ZBTB44: variants seen among roughly 807,000 people sequenced by gnomAD.
ZBTB44 encodes the protein zinc finger and BTB domain-containing protein 44.
ZBTB44 carries 15 observed loss-of-function variants against 54.0 expected under a neutral mutation model. The observed-to-expected ratio is 0.28, with a 90% CI of 0.19 to 0.43. The LOEUF (loss-of-function observed/expected upper bound fraction) is 0.43. ZBTB44 is among the 20% of genes least tolerant of loss of function. ZBTB44 has a pLI of 1.00. For missense variants in ZBTB44, 487 were observed against 707.1 expected (o/e 0.69, Z 3.53); for synonymous variants, 230 against 250.1 (o/e 0.92, Z 0.76).
chr11:130,240,565 G>T (rs944020766), intron 2 of ZBTB44, among the ~76,000 whole-genome samples: 11 of 152,118 alleles, frequency 7.2e-5, no homozygotes, highest in African/African-American at 2.7e-4. Context: ...CATACAACTT[G>T]TTGCACAACT....
intron 1 of ZBTB44, among the ~76,000 whole-genome samples, chr11:130,276,391 C>A (rs866226182): frequency 4.0e-5 from 6 of 151,358 alleles, no homozygotes; most frequent in African/African-American, 9.7e-5. Context: ...TGGTTTATAG[C>A]GTCTATTTAC....
chr11:130,301,919 T>C (rs894141964), intron 1 of ZBTB44, among the ~76,000 whole-genome samples: 2 of 151,646 alleles, frequency 1.3e-5, no homozygotes, highest in Admixed American at 6.6e-5. Context: ...GGAGTGCACC[T>C]GTAGTCCCAG....
At chr11:130,302,247 T>C (rs769226185) in intron 1 of ZBTB44, among the ~76,000 whole-genome samples, 11 of 152,082 alleles carry the variant, frequency 7.2e-5, no homozygotes, top group Admixed American at 1.3e-4. Context: ...GTTAAGGAAC[T>C]AGCCACACAA....
chr11:130,277,908 T>C (rs764657880), intron 1 of ZBTB44, among the ~76,000 whole-genome samples: 2 of 152,182 alleles, frequency 1.3e-5, no homozygotes, highest in Non-Finnish European at 2.9e-5. Flanking sequence ...TCTTCCCTCG[T>C]CCTTTGCACA....
chr11:130,291,083 A>G (rs1368763000), intron 1 of ZBTB44, among the ~76,000 whole-genome samples: 3 of 151,880 alleles, frequency 2.0e-5, no homozygotes, highest in Non-Finnish European at 4.4e-5. Context: ...CCACAGGTCA[A>G]ATTCTACTTT....
rs374038218 is a variant in ZBTB44 at position 130,238,694 on chromosome 11, G to A, written c.1104-87C>T. On this transcript the variant is annotated intron_variant, in intron 3 of 7. Transcript: ENST00000357899. ...TATAGGTCAATTTTAAATGAAAAAA[G>A]ATAAAACACTTAAAGACTTTTTGAA... The A allele has an allele frequency of 3.1e-6, 4 of 1,284,102 alleles. No homozygotes were observed. The African/African-American group carries it at 4.6e-5, about 15-fold the overall frequency. The allele number at this position is 1,284,102 out of a possible 1,614,324, so 79.5% of individuals were successfully genotyped here. A position where few individuals can be genotyped will look rare whatever the true frequency, so the allele number is the denominator to read the frequency against.
rs1008610322 is a variant in ZBTB44 at position 130,238,719 on chromosome 11, A to G, written c.1104-112T>C. On this transcript the variant is annotated intron_variant, in intron 3 of 7. Transcript: ENST00000357899. ...GATAAAACACTTAAAGACTTTTTGA[A>G]ACAGTTTAACTGTTAGACTTCAAGT... 5 of 1,128,788 alleles carry G rather than the reference A, an allele frequency of 4.4e-6. No individual in the cohort carries two copies. The Admixed American group carries it at 1.4e-4, about 30-fold the overall frequency. 69.9% of individuals were successfully genotyped at this position (1,128,788 alleles called of 1,614,324 possible). A position where few individuals can be genotyped will look rare whatever the true frequency, so the allele number is the denominator to read the frequency against.
Position 130,261,049 on chromosome 11 carries a change from T to G in ZBTB44, c.825A>C (p.Thr275=). 1.2e-6 allele frequency: 2 copies of G among 1,614,032 alleles called. No homozygotes were observed. Among genetic ancestry groups the G allele is most frequent in the Non-Finnish European group, 1.7e-6 (2 of 1,179,886 alleles). Residue 275 remains threonine (T), a synonymous_variant, in exon 2 of 8, where the codon ACA becomes ACC. Coordinates refer to ENST00000357899, the MANE Select transcript of ZBTB44 (RefSeq NM_001301098.2). This position sits in a 1 kb window ranked among gnomAD's most constrained non-coding sequence, Gnocchi z 4.8. Reference sequence around the variant, plus strand: ...CGGTACCTAAAGGCAAGGTAGTTTTTGTGCTCTCACAAGTCACATAATCAG... The same window carrying G: ...CGGTACCTAAAGGCAAGGTAGTTTTGGTGCTCTCACAAGTCACATAATCAG... ...RMADYVTCES[T]KTTLPLGTEE...
Position 130,227,353 on chromosome 11 carries a change from G to C in ZBTB44, c.*4411C>G, listed in dbSNP as rs531292792. 3 of 152,146 alleles carry C rather than the reference G, an allele frequency of 2.0e-5. No individual in the cohort carries two copies. Among genetic ancestry groups the C allele is most frequent in the Non-Finnish European group, 4.4e-5 (3 of 68,044 alleles). The allele number at this position is 152,146 out of a possible 1,614,324, so 9.4% of individuals were successfully genotyped here. On this transcript the variant is annotated 3_prime_UTR_variant, in exon 8 of 8. Coordinates refer to ENST00000357899, the MANE Select transcript of ZBTB44 (RefSeq NM_001301098.2). ...ACTGGATACAAAGCTGGTGAACTGG[G>C]GACTGGCACAGTTAAGAGTTGTACT...
chr11:130,238,908 ATAGC>A (rs1954232519), intron 3 of ZBTB44: 2 of 193,414 alleles, frequency 1.0e-5, no homozygotes, highest in Non-Finnish European at 2.1e-5. Flanking sequence ...TTAAGAATCT[ATAGC>A]TTAAAACAGT....
At chr11:130,314,284 G>T in intron 1 of ZBTB44, 91 bp downstream of exon 1, 1 of 152,582 alleles carries the variant, frequency 6.6e-6, no homozygotes, top group Non-Finnish European at 1.5e-5. Flanking sequence ...GCTCCCTTCG[G>T]CGCCAGGTGG....
intron 2 of ZBTB44, among the ~76,000 whole-genome samples, chr11:130,249,895 T>C (rs1398001862): frequency 1.3e-5 from 2 of 152,164 alleles, no homozygotes; most frequent in Non-Finnish European, 2.9e-5. Context: ...GGAACCACAG[T>C]GAGACAGAAC....
chr11:130,262,502 G>C (rs1433612176), intron 1 of ZBTB44, among the ~76,000 whole-genome samples: 1 of 152,142 alleles, frequency 6.6e-6, no homozygotes, highest in African/African-American at 2.4e-5. Flanking sequence ...CAATTATAGA[G>C]TGTCTTCTAT....
rs113920286 is a variant in ZBTB44 at position 130,294,338 on chromosome 11, G to A, written c.-57+20037C>T. On this transcript the variant is annotated intron_variant, in intron 1 of 7. Transcript: ENST00000357899. ...GAGGCACAAGAATTGCTTGAACCTG[G>A]GGGGCAGAAGTTGCAGTGAGCTGAG... 3.3e-5 allele frequency among the ~76,000 whole-genome samples: 5 copies of A among 151,808 alleles called. No individual in the cohort carries two copies. In the East Asian group the frequency reaches 9.6e-4, roughly 29 times the overall value.
At position 130,261,231 on chromosome 11, in the gene ZBTB44, A is replaced by G. The variant is rs776720637; in HGVS notation, c.643T>C (p.Ser215Pro). 6.2e-7 allele frequency: 1 copy of G among 1,613,946 alleles called. No individual in the cohort carries two copies. The highest frequency in any genetic ancestry group is 2.2e-5 in the East Asian group (1 of 44,878). Reference protein sequence around the residue: ...PQVLNSSASYSENRNQPVDSS... With the variant: ...PQVLNSSASYPENRNQPVDSS... ...TCAACTGGTTGGTTTCTATTTTCTG[A>G]GTAGGAAGCTGAAGAATTCAATACC... Residue 215 changes from serine (S) to proline (P), a missense_variant, in exon 2 of 8, where the codon TCA becomes CCA. Physicochemically the swap from Ser to Pro is moderately conservative, Grantham distance 74. Coordinates refer to ENST00000357899, the MANE Select transcript of ZBTB44 (RefSeq NM_001301098.2). The surrounding 1 kb of genome is among the most constrained non-coding windows in gnomAD (Gnocchi z 4.8).
chr11:130,294,943 T>A (rs1941551438), intron 1 of ZBTB44, among the ~76,000 whole-genome samples: 1 of 152,160 alleles, frequency 6.6e-6, no homozygotes. Context: ...TTTTTAAGCG[T>A]CCACACCAAG....
chr11:130,299,076 C>T (rs1433910556), intron 1 of ZBTB44, among the ~76,000 whole-genome samples: 2 of 150,718 alleles, frequency 1.3e-5, no homozygotes, highest in Non-Finnish European at 3.0e-5. Context: ...GAGTGAGACC[C>T]TGTCTCAAAA....
At chr11:130,303,358 G>A (rs1309849706) in intron 1 of ZBTB44, among the ~76,000 whole-genome samples, 4 of 152,166 alleles carry the variant, frequency 2.6e-5, no homozygotes, top group Admixed American at 6.5e-5. Flanking sequence ...TACCAAGGCC[G>A]GGCACAGTGG....
chr11:130,235,270 G>A (rs974552695), intron 5 of ZBTB44, among the ~76,000 whole-genome samples: 3 of 152,156 alleles, frequency 2.0e-5, no homozygotes, highest in African/African-American at 2.4e-5. Flanking sequence ...TCAGGTGTTA[G>A]AGAAGAAGAA....
Sources: allele counts gnomAD v4.1 joint callset (sites outside exome capture counted in the v4.1 genomes callset), GRCh38; gene constraint gnomAD v4.1.1; non-coding constraint Gnocchi (gnomAD v3.1); transcripts MANE v1.5; gene names NCBI Gene and HGNC (gene_info 2026-07-23, HGNC 2026-07-21).